The following FGD5 variants were observed in gnomAD, a reference collection of about 807,000 sequenced individuals.
FGD5 encodes FYVE, RhoGEF and PH domain-containing protein 5.
A neutral mutation model predicts 133.4 loss-of-function variants in FGD5; 28 were observed. The observed-to-expected ratio is 0.21, with a 90% CI of 0.16 to 0.29. The LOEUF (loss-of-function observed/expected upper bound fraction) is 0.29. FGD5 is among the 10% of genes least tolerant of loss of function. The pLI, the probability that FGD5 is intolerant of heterozygous loss-of-function variation, is 1.00. For missense variants in FGD5, 1,858 were observed against 1,895.2 expected, an observed-to-expected ratio of 0.98 and a Z score of 0.36; for synonymous variants, 810 against 776.5, an observed-to-expected ratio of 1.04 and a Z score of -0.72.
At chr3:14,883,113 G>C (rs1191281937) in intron 4 of FGD5, among the ~76,000 whole-genome samples, 1 of 152,126 alleles carries the variant, frequency 6.6e-6, no homozygotes, top group Non-Finnish European at 1.5e-5. Flanking sequence ...TCACATGGTA[G>C]TTATAGCTAA....
intron 10 of FGD5, among the ~76,000 whole-genome samples, chr3:14,910,056 G>A (rs1454322836): frequency 6.6e-6 from 1 of 151,632 alleles, no homozygotes; most frequent in Non-Finnish European, 1.5e-5. Context: ...GAGCCACCAC[G>A]CCTGGTTGTG....
At chr3:14,880,346 C>T (rs1025351914) in intron 2 of FGD5, among the ~76,000 whole-genome samples, 2 of 152,094 alleles carry the variant, frequency 1.3e-5, no homozygotes, top group African/African-American at 4.8e-5. Flanking sequence ...AGAGCATGAC[C>T]TTGTCTCAAA....
At chr3:14,891,787 T>C (rs903925344) in intron 4 of FGD5, among the ~76,000 whole-genome samples, 3 of 152,244 alleles carry the variant, frequency 2.0e-5, no homozygotes, top group Non-Finnish European at 4.4e-5. Flanking sequence ...CACACGCCTC[T>C]GGGCAGATGT....
In FGD5 at chr3:14,922,681, C is replaced by G; in HGVS notation, c.3807+133C>G. The G allele has an allele frequency of 8.1e-7, 1 of 1,240,772 alleles. No homozygotes were observed. Among genetic ancestry groups the G allele is most frequent in the Non-Finnish European group, 1.1e-6 (1 of 908,524 alleles). 76.9% of individuals were successfully genotyped at this position (1,240,772 alleles called of 1,614,324 possible). On this transcript the variant is annotated intron_variant, in intron 15 of 19. Coordinates refer to ENST00000285046, the MANE Select transcript of FGD5 (RefSeq NM_152536.4). The surrounding 1 kb of genome is among the most constrained non-coding windows in gnomAD (Gnocchi z 4.1). The stretch of plus-strand genomic sequence containing the variant: ...CAGAGTGAGGCATGTTCACACCAAC[C>G]CGAGAGGAACAGATTGCTAATTCCC...
intron 1 of FGD5, among the ~76,000 whole-genome samples, chr3:14,841,756 G>A (rs1388778618): frequency 6.6e-6 from 1 of 152,086 alleles, no homozygotes; most frequent in Non-Finnish European, 1.5e-5. Flanking sequence ...GTGTGAGTGG[G>A]GGGTTCCTGC....
At chr3:14,874,290 A>G (rs1189352785) in intron 2 of FGD5, among the ~76,000 whole-genome samples, 1 of 152,100 alleles carries the variant, frequency 6.6e-6, no homozygotes, top group Non-Finnish European at 1.5e-5. Flanking sequence ...AGGCCAAGGC[A>G]GGAGGTTCAC....
intron 1 of FGD5, among the ~76,000 whole-genome samples, chr3:14,847,087 G>A (rs1575205251): frequency 6.6e-6 from 1 of 152,134 alleles, no homozygotes; most frequent in African/African-American, 2.4e-5. Flanking sequence ...CCAGGACTTG[G>A]CACACATAAG....
At position 14,847,205 on chromosome 3, in the gene FGD5, G is replaced by A. The variant is rs745813579; in HGVS notation, c.2526-16923G>A. ...TGTTTGGAAATGCCGACCCCCACCC[G>A]AAACACCTAATGTATCAACTGGAAC... is the stretch of plus-strand genomic sequence containing the variant. On this transcript the variant is annotated intron_variant, in intron 1 of 19. Coordinates refer to ENST00000285046, the MANE Select transcript of FGD5 (RefSeq NM_152536.4). 3.7e-4 allele frequency among the ~76,000 whole-genome samples: 56 copies of A among 152,290 alleles called. No homozygotes were observed. The Middle Eastern group carries it at 0.01, about 28-fold the overall frequency.
chr3:14,832,745 T>C (rs2036740797), intron 1 of FGD5, among the ~76,000 whole-genome samples: 1 of 152,126 alleles, frequency 6.6e-6, no homozygotes, highest in African/African-American at 2.4e-5. Flanking sequence ...AGCTGTCAAA[T>C]AAGGGTACAC....
chr3:14,821,722 TGGGGTGAG>T, intron 1 of FGD5, 126 bp downstream of exon 1: 1 of 1,315,658 alleles, frequency 7.6e-7, no homozygotes, highest in South Asian at 1.6e-5. Context: ...TGTGTTGACT[TGGGGTGAG>T]TGGCTTTATA....
At chr3:14,850,973 A>G (rs974310177) in intron 1 of FGD5, among the ~76,000 whole-genome samples, 1 of 152,184 alleles carries the variant, frequency 6.6e-6, no homozygotes, top group African/African-American at 2.4e-5. Flanking sequence ...CTCTGGCAAA[A>G]TTCCTCAGCT....
At chr3:14,925,114 A>C (rs1368104257) in intron 17 of FGD5, among the ~76,000 whole-genome samples, 3 of 151,058 alleles carry the variant, frequency 2.0e-5, no homozygotes, top group African/African-American at 7.3e-5. Flanking sequence ...AAAAAAAAAA[A>C]AAAAAAAAAA....
At chr3:14,869,375 G>A (rs192244864) in intron 2 of FGD5, among the ~76,000 whole-genome samples, 72 of 152,236 alleles carry the variant, frequency 4.7e-4, no homozygotes, top group African/African-American at 1.7e-3. Flanking sequence ...CTGGGATTGG[G>A]GGTGGGGGCA....
chr3:14,896,854 A>G (rs1330300771), intron 4 of FGD5: 2 of 152,214 alleles, frequency 1.3e-5, no homozygotes, highest in African/African-American at 2.4e-5. Flanking sequence ...AATAGAAACA[A>G]GAAGATTCAC....
chr3:14,897,229 G>A (rs1218961917), intron 4 of FGD5: 8 of 392,474 alleles, frequency 2.0e-5, no homozygotes, highest in Non-Finnish European at 3.6e-5. Flanking sequence ...TTCACCACGT[G>A]GCCACAACGA....
chr3:14,870,809 A>T (rs1345942533), intron 2 of FGD5, among the ~76,000 whole-genome samples: 1 of 152,122 alleles, frequency 6.6e-6, no homozygotes, highest in Non-Finnish European at 1.5e-5. Flanking sequence ...TACCAAGCTC[A>T]TCCTCTTCCC....
intron 1 of FGD5, among the ~76,000 whole-genome samples, chr3:14,851,903 A>G (rs1391797399): frequency 1.4e-5 from 2 of 144,040 alleles, no homozygotes; most frequent in Admixed American, 1.5e-4. Context: ...AGCCACTTCA[A>G]ACCCACTAGG....
Position 14,864,194 on chromosome 3 carries a change from G to C in FGD5, c.2592G>C (p.Ser864=). 6.2e-7 allele frequency: 1 copy of C among 1,613,990 alleles called. No individual in the cohort carries two copies. The highest frequency in any genetic ancestry group is 1.1e-5 in the South Asian group (1 of 91,076). ...CAGCCCCCAAAGAGGACCTTACGTC[G>C]GATGAAGAGCAGAGAAGCTCGGAGG... ...SSAAPKEDLT[S]DEEQRSSEEE... is the part of the protein sequence containing the mutation. The change falls in exon 2 of 20, where the codon TCG becomes TCC. Residue 864 remains serine (S), a synonymous_variant. Coordinates refer to ENST00000285046, the MANE Select transcript of FGD5 (RefSeq NM_152536.4).
chr3:14,828,901 A>G (rs2036651475), intron 1 of FGD5, among the ~76,000 whole-genome samples: 1 of 148,138 alleles, frequency 6.8e-6, no homozygotes, highest in Non-Finnish European at 1.5e-5. Flanking sequence ...GACTCACTGC[A>G]ACCTCTGCCT....
Sources: gnomAD v4.1 joint callset for allele counts (sites outside exome capture counted in the v4.1 genomes callset) on GRCh38, gnomAD v4.1.1 for gene constraint, Gnocchi (gnomAD v3.1) non-coding constraint, MANE v1.5 for transcripts, NCBI Gene and HGNC (gene_info 2026-07-23, HGNC 2026-07-21) for gene names.